The following OSBP2 variants were observed in gnomAD, a reference collection of about 807,000 sequenced individuals.
OSBP2 encodes the protein oxysterol-binding protein 2.
A neutral mutation model predicts 96.0 loss-of-function variants in OSBP2; 66 were observed. The observed-to-expected ratio is 0.69, with a 90% CI of 0.56 to 0.84. OSBP2 has a LOEUF of 0.84. OSBP2 is among the 40% of genes least tolerant of loss of function. The pLI is 0.00. For missense variants in OSBP2, 1,038 were observed against 1,222.7 expected, an observed-to-expected ratio of 0.85 and a Z score of 2.25; for synonymous variants, 525 against 520.9, an observed-to-expected ratio of 1.01 and a Z score of -0.11.
At chr22:30,781,386 C>T (rs978688545) in intron 2 of OSBP2, among the ~76,000 whole-genome samples, 1 of 152,102 alleles carries the variant, frequency 6.6e-6, no homozygotes. Flanking sequence ...CCTCTCTTTC[C>T]ATCCTGCTCC....
chr22:30,835,215 A>G (rs936813554), intron 2 of OSBP2, among the ~76,000 whole-genome samples: 2 of 152,052 alleles, frequency 1.3e-5, no homozygotes, highest in East Asian at 1.9e-4. Context: ...CTAAGAAACC[A>G]TTGTCTAATC....
At chr22:30,725,790 C>CT (rs136374) in intron 1 of OSBP2, among the ~76,000 whole-genome samples, 9,261 of 142,078 alleles carry the variant, frequency 0.065, 272 homozygotes, top group Middle Eastern at 0.097. Flanking sequence ...TCAAAAGAGT[C>CT]TTTTTTTTTT....
intron 1 of OSBP2, among the ~76,000 whole-genome samples, chr22:30,703,208 G>A (rs551180539): frequency 4.0e-5 from 6 of 151,690 alleles, no homozygotes; most frequent in Non-Finnish European, 7.4e-5. Flanking sequence ...GAGTCTCGCT[G>A]TGTTGCCCAG....
chr22:30,742,472 A>G (rs2089952168), intron 2 of OSBP2, among the ~76,000 whole-genome samples: 1 of 152,100 alleles, frequency 6.6e-6, no homozygotes, highest in African/African-American at 2.4e-5. Flanking sequence ...AATCCTACAC[A>G]GTGAGGTCTT....
At chr22:30,738,971 G>A (rs1313559101) in intron 1 of OSBP2, among the ~76,000 whole-genome samples, 2 of 152,196 alleles carry the variant, frequency 1.3e-5, no homozygotes, top group African/African-American at 2.4e-5. Context: ...TTAAAAGGTA[G>A]CAGAAAATTA....
In OSBP2 at chr22:30,881,929, G is replaced by A; in HGVS notation, c.1108-5497G>A. On this transcript the variant is annotated intron_variant, in intron 3 of 13. Transcript: ENST00000332585. This position sits in a 1 kb window ranked among gnomAD's most constrained non-coding sequence, Gnocchi z 4.5. Reference sequence around the variant, plus strand: ...ATGAGGCCTTTGATATTAGGGCACAGCAGTTTTCACCCTGCCCCGCTTTTA... The same window carrying A: ...ATGAGGCCTTTGATATTAGGGCACAACAGTTTTCACCCTGCCCCGCTTTTA... 1.3e-6 allele frequency: 1 copy of A among 797,054 alleles called. No individual in the cohort carries two copies. Among genetic ancestry groups the A allele is most frequent in the Non-Finnish European group, 1.8e-6 (1 of 559,338 alleles). The allele number at this position is 797,054 out of a possible 1,614,324, so 49.4% of individuals were successfully genotyped here. A position where few individuals can be genotyped will look rare whatever the true frequency, so the allele number is the denominator to read the frequency against.
At chr22:30,796,041 G>A (rs1328677658) in intron 2 of OSBP2, among the ~76,000 whole-genome samples, 2 of 152,118 alleles carry the variant, frequency 1.3e-5, no homozygotes, top group African/African-American at 2.4e-5. Flanking sequence ...TCTCTCACTG[G>A]TTCTTGACAT....
chr22:30,845,602 G>A (rs115231639), intron 2 of OSBP2, among the ~76,000 whole-genome samples: 4,358 of 151,356 alleles, frequency 0.029, 173 homozygotes, highest in African/African-American at 0.098. Context: ...GGTGGGGGAC[G>A]GCCAGGCACG....
intron 2 of OSBP2, among the ~76,000 whole-genome samples, chr22:30,850,438 T>C (rs2038958226): frequency 1.3e-5 from 2 of 152,160 alleles, no homozygotes; most frequent in African/African-American, 2.4e-5. Flanking sequence ...TAGTAAATCA[T>C]GTTAGTAGGT....
intron 2 of OSBP2, among the ~76,000 whole-genome samples, chr22:30,801,740 G>A (rs5997767): frequency 3.9e-5 from 6 of 152,300 alleles, no homozygotes; most frequent in African/African-American, 1.4e-4. Context: ...TGGGGAGGCT[G>A]AGACAGCAGA....
chr22:30,868,576 T>A (rs1232822059), intron 2 of OSBP2, among the ~76,000 whole-genome samples: 3 of 152,236 alleles, frequency 2.0e-5, no homozygotes, highest in Non-Finnish European at 4.4e-5. Flanking sequence ...GGCTGGCCAC[T>A]GTCTTCCTTC....
At chr22:30,708,478 ATTTTTTTT>A (rs56361178) in intron 1 of OSBP2, among the ~76,000 whole-genome samples, 15 of 63,474 alleles carry the variant, frequency 2.4e-4, no homozygotes, top group African/African-American at 5.4e-4. Flanking sequence ...AAGGATAAGG[ATTTTTTTT>A]TTTTTTTTTT....
At chr22:30,732,130 C>T (rs1402491902) in intron 1 of OSBP2, among the ~76,000 whole-genome samples, 1 of 152,010 alleles carries the variant, frequency 6.6e-6, no homozygotes, top group African/African-American at 2.4e-5. Context: ...ATGGTGAAAC[C>T]CCATCTCTAC....
chr22:30,712,682 C>G (rs1464086350), intron 1 of OSBP2, among the ~76,000 whole-genome samples: 1 of 152,198 alleles, frequency 6.6e-6, no homozygotes, highest in Non-Finnish European at 1.5e-5. Context: ...GAAAACAAGG[C>G]ACAGAAAGTG....
intron 2 of OSBP2, among the ~76,000 whole-genome samples, chr22:30,775,654 G>C (rs1212526728): frequency 1.3e-5 from 2 of 152,044 alleles, no homozygotes; most frequent in African/African-American, 4.8e-5. Context: ...ATAAATTCAA[G>C]ACCACGATCC....
At chr22:30,815,017 C>G (rs1229273589) in intron 2 of OSBP2, among the ~76,000 whole-genome samples, 1 of 152,146 alleles carries the variant, frequency 6.6e-6, no homozygotes, top group Non-Finnish European at 1.5e-5. Flanking sequence ...CACGGTGGCT[C>G]ACACCTGTAA....
intron 2 of OSBP2, among the ~76,000 whole-genome samples, chr22:30,799,169 GTGCA>G (rs1569128891): frequency 6.7e-6 from 1 of 148,718 alleles, no homozygotes; most frequent in Non-Finnish European, 1.5e-5. Context: ...GAGTGCAGCG[GTGCA>G]ATCTCAGCTC....
chr22:30,793,368 A>G (rs1263416566), intron 2 of OSBP2, among the ~76,000 whole-genome samples: 1 of 151,520 alleles, frequency 6.6e-6, no homozygotes, highest in African/African-American at 2.4e-5. Context: ...CCAGCCTGGG[A>G]AAAAAGAGGA....
Position 30,870,327 on chromosome 22 carries a change from T to C in OSBP2, c.854-102T>C. 1.6e-6 allele frequency: 2 copies of C among 1,241,920 alleles called. No homozygotes were observed. The allele number at this position is 1,241,920 out of a possible 1,614,324, so 76.9% of individuals were successfully genotyped here. On this transcript the variant is annotated intron_variant, in intron 2 of 13. Coordinates refer to ENST00000332585, the MANE Select transcript of OSBP2 (RefSeq NM_030758.4). The surrounding 1 kb of genome is among the most constrained non-coding windows in gnomAD (Gnocchi z 4.1). The stretch of plus-strand genomic sequence containing the variant: ...GCACCATCTCGGGGACTGATGTTTT[T>C]TGAATGGCGCTATCCACCCTGCCCT...
Sources: gnomAD v4.1 joint callset for allele counts (sites outside exome capture counted in the v4.1 genomes callset) on GRCh38, gnomAD v4.1.1 for gene constraint, Gnocchi (gnomAD v3.1) non-coding constraint, MANE v1.5 for transcripts, NCBI Gene and HGNC (gene_info 2026-07-23, HGNC 2026-07-21) for gene names.